The following DOCK4 variants were observed in gnomAD, a reference collection of about 807,000 sequenced individuals.
The protein encoded by DOCK4 is dedicator of cytokinesis protein 4.
In DOCK4, 97 loss-of-function variants were observed where a neutral mutation model predicts 268.1. That is an observed-to-expected ratio of 0.36 (90% confidence interval 0.31 to 0.43). The LOEUF (loss-of-function observed/expected upper bound fraction) is 0.43. Ranked by LOEUF, DOCK4 falls within the 20% of genes least tolerant of loss-of-function variation. The pLI is 1.00. For synonymous variants in DOCK4, 954 were observed against 887.2 expected, an observed-to-expected ratio of 1.08 and a Z score of -1.34; for missense variants, 2,145 against 2,455.7, an observed-to-expected ratio of 0.87 and a Z score of 2.67.
chr7:111,854,818 G>A (rs1019231932), intron 23 of DOCK4, among the ~76,000 whole-genome samples: 1 of 152,206 alleles, frequency 6.6e-6, no homozygotes, highest in South Asian at 2.1e-4. Context: ...TGTGATCAAG[G>A]CAAATAAAGT....
At chr7:111,769,230 A>G (rs938377241) in intron 37 of DOCK4, among the ~76,000 whole-genome samples, 1 of 152,172 alleles carries the variant, frequency 6.6e-6, no homozygotes, top group African/African-American at 2.4e-5. Context: ...TCAAAGTGTA[A>G]TGAAAAGGTC....
At chr7:112,012,508 G>A (rs1801424346) in intron 1 of DOCK4, among the ~76,000 whole-genome samples, 1 of 152,172 alleles carries the variant, frequency 6.6e-6, no homozygotes, top group Non-Finnish European at 1.5e-5. Context: ...TAGACAGCAC[G>A]AGGCAGGAAA....
chr7:112,142,021 T>C (rs368167457), intron 1 of DOCK4, among the ~76,000 whole-genome samples: 4 of 152,204 alleles, frequency 2.6e-5, no homozygotes, highest in East Asian at 3.9e-4. Context: ...CCTAGTAATT[T>C]AACTCTATGA....
intron 1 of DOCK4, among the ~76,000 whole-genome samples, chr7:112,057,840 T>C (rs946841459): frequency 6.6e-6 from 1 of 151,734 alleles, no homozygotes; most frequent in African/African-American, 2.4e-5. Flanking sequence ...TCACTAAAAG[T>C]ACATAATCAT....
At chr7:111,986,748 T>C (rs1799084624) in intron 6 of DOCK4, among the ~76,000 whole-genome samples, 1 of 152,172 alleles carries the variant, frequency 6.6e-6, no homozygotes, top group African/African-American at 2.4e-5. Flanking sequence ...CTGTCTGAGG[T>C]TCCCAGGCAA....
chr7:112,095,791 T>TAAG (rs2067228), intron 1 of DOCK4, among the ~76,000 whole-genome samples: 56,123 of 151,656 alleles, frequency 0.37, 10,749 homozygotes, highest in Non-Finnish European at 0.43. Context: ...ATGGGTATAA[T>TAAG]GTCTTTTAGG....
intron 1 of DOCK4, among the ~76,000 whole-genome samples, chr7:112,093,457 A>G (rs536339164): frequency 6.7e-4 from 102 of 151,326 alleles, no homozygotes; most frequent in African/African-American, 1.2e-3. Context: ...AGGGGGGGGG[A>G]AACAATTATA....
In DOCK4 at chr7:111,771,977, C is replaced by T. The variant is rs546596285; in HGVS notation, c.3680-2300G>A. 1.2e-4 allele frequency among the ~76,000 whole-genome samples: 18 copies of T among 152,282 alleles called. No homozygotes were observed. The South Asian group carries it at 3.5e-3, about 30-fold the overall frequency. ...TACCCCAGAGACTAACTGATCATTT[C>T]GAAGAATTAGGAAGACTGAGGAATG... On this transcript the variant is annotated intron_variant, in intron 36 of 52. Transcript: ENST00000428084.
intron 1 of DOCK4, among the ~76,000 whole-genome samples, chr7:112,201,677 G>T (rs1820948449): frequency 6.6e-6 from 1 of 152,046 alleles, no homozygotes; most frequent in African/African-American, 2.4e-5. Flanking sequence ...GAATGGGGGG[G>T]TGTGCTAACA....
chr7:112,032,288 T>C (rs1803347559), intron 1 of DOCK4, among the ~76,000 whole-genome samples: 1 of 152,212 alleles, frequency 6.6e-6, no homozygotes, highest in South Asian at 2.1e-4. Flanking sequence ...AAAAGTTCTG[T>C]GCCATCTTCA....
At position 112,120,122 on chromosome 7, in the gene DOCK4, C is replaced by T. The variant is rs546607370; in HGVS notation, c.37+85980G>A. On this transcript the variant is annotated intron_variant, in intron 1 of 52. Coordinates refer to ENST00000428084, the MANE Select transcript of DOCK4 (RefSeq NM_001363540.2). Reference sequence around the variant, plus strand: ...TCGGCCTCCCAAAGTGCTGGGATTACAAGATTGCTCTTTTTAATAATTTAA... The same window carrying T: ...TCGGCCTCCCAAAGTGCTGGGATTATAAGATTGCTCTTTTTAATAATTTAA... 4.6e-5 allele frequency among the ~76,000 whole-genome samples: 7 copies of T among 152,242 alleles called. No homozygotes were observed. In the East Asian group the frequency reaches 9.7e-4, roughly 21 times the overall value.
intron 13 of DOCK4, among the ~76,000 whole-genome samples, chr7:111,903,211 T>G (rs149133533): frequency 0.012 from 1,773 of 152,304 alleles, 39 homozygotes; most frequent in African/African-American, 0.036. Flanking sequence ...AGACCAACTT[T>G]TTATGATGGC....
intron 1 of DOCK4, among the ~76,000 whole-genome samples, chr7:112,131,136 G>T (rs1167968938): frequency 6.6e-6 from 1 of 152,090 alleles, no homozygotes; most frequent in East Asian, 1.9e-4. Flanking sequence ...TTTTTGAGGG[G>T]TCTTCTGTTC....
At chr7:111,729,004 AGGGAGGCCTCG>A (rs1171785103) in intron 52 of DOCK4, among the ~76,000 whole-genome samples, 2 of 152,168 alleles carry the variant, frequency 1.3e-5, no homozygotes, top group Non-Finnish European at 2.9e-5. Context: ...CAAGCCCAGG[AGGGAGGCCTCG>A]GGGAAACCAA....
At chr7:111,917,655 G>C (rs753215300) in intron 12 of DOCK4, among the ~76,000 whole-genome samples, 1 of 151,136 alleles carries the variant, frequency 6.6e-6, no homozygotes, top group Non-Finnish European at 1.5e-5. Context: ...GCAGTGAGCC[G>C]AGATCGCACA....
At chr7:111,774,485 A>C (rs1032108902) in intron 36 of DOCK4, among the ~76,000 whole-genome samples, 1 of 151,952 alleles carries the variant, frequency 6.6e-6, no homozygotes, top group Non-Finnish European at 1.5e-5. Flanking sequence ...AACAAAACAA[A>C]AAAATCTGGA....
chr7:111,779,064 A>G (rs183327635), intron 35 of DOCK4, among the ~76,000 whole-genome samples: 95 of 150,538 alleles, frequency 6.3e-4, no homozygotes, highest in African/African-American at 2.1e-3. Flanking sequence ...AAAAAATAAA[A>G]ATAAAAATCT....
intron 1 of DOCK4, among the ~76,000 whole-genome samples, chr7:112,155,386 C>T (rs1421915103): frequency 6.6e-6 from 1 of 152,112 alleles, no homozygotes. Flanking sequence ...CTAATTCCTC[C>T]CCATTTTGGT....
rs553721892 is a variant in DOCK4 at position 111,799,429 on chromosome 7, T to C, written c.3167-8824A>G. On this transcript the variant is annotated intron_variant, in intron 30 of 52. Transcript: ENST00000428084. ...CCACCTTTATTCGACCCAAGACATT[T>C]AGTATTAGCAAAAACTCTCATCTCT... is the stretch of plus-strand genomic sequence containing the variant. 2.6e-5 allele frequency among the ~76,000 whole-genome samples: 4 copies of C among 152,274 alleles called. No homozygotes were observed. The South Asian group carries it at 8.3e-4, about 32-fold the overall frequency.
Sources: allele counts gnomAD v4.1 joint callset (sites outside exome capture counted in the v4.1 genomes callset), GRCh38; gene constraint gnomAD v4.1.1; transcripts MANE v1.5; gene names NCBI Gene and HGNC (gene_info 2026-07-23, HGNC 2026-07-21).